Variants in TDRD3 observed in about 807,000 individuals in gnomAD.
TDRD3 encodes the protein tudor domain-containing protein 3.
Under a neutral mutation model 86.7 loss-of-function variants are expected in TDRD3, and 45 were observed. The ratio of observed to expected loss-of-function variants is 0.52; its 90% CI spans 0.41 to 0.67. The LOEUF (loss-of-function observed/expected upper bound fraction) is 0.67. TDRD3 is among the 30% of genes least tolerant of loss of function. The pLI is 0.00. For missense variants in TDRD3, 814 were observed against 889.0 expected, an observed-to-expected ratio of 0.92 and a Z score of 1.07; for synonymous variants, 298 against 301.7, an observed-to-expected ratio of 0.99 and a Z score of 0.13.
intron 4 of TDRD3, among the ~76,000 whole-genome samples, chr13:60,464,567 C>T (rs115676739): frequency 0.096 from 14,346 of 149,056 alleles, 794 homozygotes; most frequent in African/African-American, 0.16. Context: ...TGTGTGTATA[C>T]ACATACACAC....
intron 5 of TDRD3, among the ~76,000 whole-genome samples, chr13:60,479,287 T>C (rs1956262656): frequency 6.6e-6 from 1 of 152,248 alleles, no homozygotes; most frequent in Non-Finnish European, 1.5e-5. Flanking sequence ...AGTTTTAAAA[T>C]TTACATGTAA....
At chr13:60,411,187 A>T (rs1238411559) in intron 1 of TDRD3, among the ~76,000 whole-genome samples, 1 of 152,254 alleles carries the variant, frequency 6.6e-6, no homozygotes, top group Non-Finnish European at 1.5e-5. Flanking sequence ...ATAGTTCACA[A>T]TTAAAAGACA....
intron 1 of TDRD3, among the ~76,000 whole-genome samples, chr13:60,437,847 C>A (rs1594933534): frequency 6.6e-6 from 1 of 152,004 alleles, no homozygotes; most frequent in Admixed American, 6.6e-5. Context: ...TTGGTCTCAA[C>A]CTATACTTAT....
intron 5 of TDRD3, among the ~76,000 whole-genome samples, chr13:60,468,604 C>G (rs1443904708): frequency 6.6e-6 from 1 of 151,930 alleles, no homozygotes; most frequent in Non-Finnish European, 1.5e-5. Context: ...GTGCTGGGAT[C>G]TTGCATCTGT....
intron 1 of TDRD3, among the ~76,000 whole-genome samples, chr13:60,421,619 A>G (rs1212700230): frequency 6.6e-6 from 1 of 152,214 alleles, no homozygotes; most frequent in Non-Finnish European, 1.5e-5. Context: ...CCCCCAAACT[A>G]TACGGATGAC....
At chr13:60,505,147 C>T (rs548373677) in intron 8 of TDRD3, among the ~76,000 whole-genome samples, 58 of 152,300 alleles carry the variant, frequency 3.8e-4, no homozygotes, top group African/African-American at 1.2e-3. Context: ...TCTAGCTCAG[C>T]GGATCCCACC....
At position 60,564,942 on chromosome 13, in the gene TDRD3, G is replaced by C. The variant is rs188178158; in HGVS notation, c.2119-2583G>C. 3.0e-4 allele frequency among the ~76,000 whole-genome samples: 44 copies of C among 148,504 alleles called. 1 individual carries two copies. Among genetic ancestry groups the C allele is most frequent in the African/African-American group, 1.1e-3 (44 of 40,142 alleles). On this transcript the variant is annotated intron_variant, in intron 12 of 13. Transcript: ENST00000377881. ...AAGAAGTGATTGTTATGGGTAACCA[G>C]ATTTGCTCTCAACAGCTCTGCAGGA...
chr13:60,423,924 G>GA (rs1369559217), intron 1 of TDRD3, among the ~76,000 whole-genome samples: 3 of 152,114 alleles, frequency 2.0e-5, no homozygotes, highest in African/African-American at 7.2e-5. Flanking sequence ...TATAAAAGCA[G>GA]AAATTGATGA....
intron 10 of TDRD3, among the ~76,000 whole-genome samples, chr13:60,517,688 C>T (rs555751831): frequency 1.3e-5 from 2 of 152,250 alleles, no homozygotes; most frequent in African/African-American, 4.8e-5. Context: ...TTTTGAAGTG[C>T]AAATGTACCC....
intron 1 of TDRD3, among the ~76,000 whole-genome samples, chr13:60,407,462 C>T (rs1423318833): frequency 6.6e-6 from 1 of 151,210 alleles, no homozygotes; most frequent in Non-Finnish European, 1.5e-5. Context: ...ATGTGATCTC[C>T]TCAGAAATGC....
intron 10 of TDRD3, among the ~76,000 whole-genome samples, chr13:60,515,764 G>A (rs560052601): frequency 6.6e-6 from 1 of 152,274 alleles, no homozygotes; most frequent in Admixed American, 6.5e-5. Flanking sequence ...TTTTAAGATA[G>A]CATGTATTTT....
chr13:60,487,803 A>G (rs994522388), intron 7 of TDRD3, among the ~76,000 whole-genome samples: 1 of 152,174 alleles, frequency 6.6e-6, no homozygotes, highest in African/African-American at 2.4e-5. Context: ...GGATTGCTCA[A>G]TCATATGCTA....
At chr13:60,412,297 G>C (rs1954386136) in intron 1 of TDRD3, among the ~76,000 whole-genome samples, 1 of 152,186 alleles carries the variant, frequency 6.6e-6, no homozygotes, top group Non-Finnish European at 1.5e-5. Context: ...AAATTTGAGT[G>C]AATTGGTGTG....
chr13:60,564,727 AT>A (rs1463927188), intron 12 of TDRD3, among the ~76,000 whole-genome samples: 1 of 152,174 alleles, frequency 6.6e-6, no homozygotes, highest in Non-Finnish European at 1.5e-5. Flanking sequence ...AATTAAAATT[AT>A]TTTTTTGAGT....
chr13:60,397,172 G>T (rs897521304), upstream of TDRD3: 13 of 407,518 alleles, frequency 3.2e-5, no homozygotes, highest in Non-Finnish European at 5.2e-5. Context: ...CCCTACGGCC[G>T]CTCAGAAAAC....
At chr13:60,527,757 G>T (rs1957477790) in intron 10 of TDRD3, among the ~76,000 whole-genome samples, 1 of 152,058 alleles carries the variant, frequency 6.6e-6, no homozygotes, top group Non-Finnish European at 1.5e-5. Flanking sequence ...TTTCCAAGTA[G>T]TACCCACTCT....
chr13:60,562,288 G>A (rs1226809416), intron 12 of TDRD3, among the ~76,000 whole-genome samples: 1 of 151,992 alleles, frequency 6.6e-6, no homozygotes, highest in East Asian at 1.9e-4. Flanking sequence ...ATTCCAGCCT[G>A]GGTGACACAG....
chr13:60,485,882 A>C lies in TDRD3; in HGVS notation c.651A>C (p.Thr217=). ...TLQVTMPVKP[T]NDNDEFEKQR... Reference sequence around the variant, plus strand: ...AAGTTACAATGCCTGTCAAACCTACAAATGATAATGATGAATTTGAAAAGC... The same window carrying C: ...AAGTTACAATGCCTGTCAAACCTACCAATGATAATGATGAATTTGAAAAGC... The change falls in exon 7 of 14, where the codon ACA becomes ACC. Residue 217 remains threonine (T), a synonymous_variant. Transcript: ENST00000377881. The C allele has an allele frequency of 6.2e-7, 1 of 1,611,486 alleles. No homozygotes were observed. The highest frequency in any genetic ancestry group is 8.5e-7 in the Non-Finnish European group (1 of 1,178,906).
At chr13:60,502,849 TA>T (rs1375043696) in intron 8 of TDRD3, among the ~76,000 whole-genome samples, 1 of 152,188 alleles carries the variant, frequency 6.6e-6, no homozygotes, top group Non-Finnish European at 1.5e-5. Context: ...AAAGCCTTGA[TA>T]AAATAACCGG....
Sources: allele counts gnomAD v4.1 joint callset (sites outside exome capture counted in the v4.1 genomes callset), GRCh38; gene constraint gnomAD v4.1.1; transcripts MANE v1.5; gene names NCBI Gene and HGNC (gene_info 2026-07-23, HGNC 2026-07-21).